The following IFNAR2 variants were observed in gnomAD, a reference collection of about 807,000 sequenced individuals.
IFNAR2 encodes interferon alpha/beta receptor 2.
In IFNAR2, 30 loss-of-function variants were observed where a neutral mutation model predicts 49.4. The observed-to-expected ratio is 0.61, with a 90% confidence interval of 0.45 to 0.82. The LOEUF (loss-of-function observed/expected upper bound fraction) is 0.82. IFNAR2 is among the 40% of genes least tolerant of loss of function. The pLI is 0.00. For missense variants in IFNAR2, 600 were observed against 622.7 expected, an observed-to-expected ratio of 0.96 and a Z score of 0.39; for synonymous variants, 224 against 234.5, an observed-to-expected ratio of 0.96 and a Z score of 0.41.
At chr21:33,259,285 G>A (rs1313180127) in intron 7 of IFNAR2, among the ~76,000 whole-genome samples, 2 of 152,002 alleles carry the variant, frequency 1.3e-5, no homozygotes, top group African/African-American at 2.4e-5. Flanking sequence ...TTCAATCACA[G>A]CTTCTCCTTT....
chr21:33,241,864 G>T lies in IFNAR2; in HGVS notation c.-59G>T, dbSNP rs946047660. The T allele has an allele frequency of 1.2e-6, 2 of 1,600,368 alleles. No homozygotes were observed. Among genetic ancestry groups the T allele is most frequent in the South Asian group, 2.3e-5 (2 of 88,730 alleles). ...GTTTAATTAGACACTTCAGAATTTTGATCACCTAATGTTGATTTCAGATGT... is the reference window on the plus strand; with the variant it reads ...GTTTAATTAGACACTTCAGAATTTTTATCACCTAATGTTGATTTCAGATGT... On this transcript the variant is annotated 5_prime_UTR_variant, in exon 2 of 9. Coordinates refer to ENST00000342136, the MANE Select transcript of IFNAR2 (RefSeq NM_001289125.3).
At chr21:33,252,344 G>A (rs1987913431) in intron 6 of IFNAR2, 1 of 694,888 alleles carries the variant, frequency 1.4e-6, no homozygotes, top group Admixed American at 4.0e-5. Flanking sequence ...CTGTCCATGA[G>A]AGAAGATAAT....
Position 33,246,731 on chromosome 21 carries a change from T to C in IFNAR2, c.235T>C (p.Leu79=), listed in dbSNP as rs1356571490. 1.2e-6 allele frequency: 2 copies of C among 1,609,064 alleles called. No individual in the cohort carries two copies. The highest frequency in any genetic ancestry group is 3.4e-5 in the Admixed American group (2 of 58,640). Residue 79 remains leucine, a synonymous_variant, in exon 5 of 9, where the codon TTG becomes CTG. Transcript: ENST00000342136. ...TTCTTTCCAAAGTAAACCAGAAGAT[T>C]TGAAGGTGGTTAAGAACTGTGCAAA... ...LYTIMSKPED[L]KVVKNCANTT... is the part of the protein sequence containing the mutation.
intron 1 of IFNAR2, among the ~76,000 whole-genome samples, chr21:33,238,640 A>G (rs901415827): frequency 6.6e-6 from 1 of 151,630 alleles, no homozygotes; most frequent in African/African-American, 2.4e-5. Context: ...ATCTGAAAAC[A>G]TAAAACTCAA....
intron 4 of IFNAR2, 64 bp downstream of exon 4, chr21:33,245,138 GATCTT>G: frequency 8.3e-7 from 1 of 1,203,924 alleles, no homozygotes; most frequent in East Asian, 2.4e-5. Flanking sequence ...GGGGAGAGGT[GATCTT>G]TTCTCTCTCT....
At chr21:33,250,135 TA>T (rs1385556707) in intron 6 of IFNAR2, among the ~76,000 whole-genome samples, 3 of 152,166 alleles carry the variant, frequency 2.0e-5, no homozygotes. Context: ...ATATGATTAT[TA>T]TCATTTTTCT....
In IFNAR2 at chr21:33,230,589, C is replaced by T. The variant is rs532945545; in HGVS notation, c.-84+373C>T. 97 of 470,604 alleles carry T rather than the reference C, an allele frequency of 2.1e-4. No individual in the cohort carries two copies. The highest frequency in any genetic ancestry group is 1.4e-3 in the South Asian group (89 of 64,462). The allele number at this position is 470,604 out of a possible 1,614,324, so 29.2% of individuals were successfully genotyped here. A position where few individuals can be genotyped will look rare whatever the true frequency, so the allele number is the denominator to read the frequency against. On this transcript the variant is annotated intron_variant, in intron 1 of 8. Coordinates refer to ENST00000342136, the MANE Select transcript of IFNAR2 (RefSeq NM_001289125.3). The surrounding 1 kb of genome is among the most constrained non-coding windows in gnomAD (Gnocchi z 5.5). The stretch of plus-strand genomic sequence containing the variant: ...CGTTGCTAAGTTTGAGGGTCACATT[C>T]CTCCAGGTCCACCCCGCCTTGCAAA...
intron 8 of IFNAR2, 77 bp from the exon 9 acceptor site, chr21:33,262,716 A>C: frequency 6.3e-7 from 1 of 1,576,760 alleles, no homozygotes; most frequent in Middle Eastern, 1.7e-4. Flanking sequence ...CCAGTGATTA[A>C]GTTTTATTAT....
chr21:33,233,762 TAAATC>T (rs1986231832), intron 1 of IFNAR2, among the ~76,000 whole-genome samples: 1 of 152,044 alleles, frequency 6.6e-6, no homozygotes, highest in Non-Finnish European at 1.5e-5. Context: ...AATTAAGAGA[TAAATC>T]AAAATAAAGA....
chr21:33,237,545 G>A (rs551646301), intron 1 of IFNAR2, among the ~76,000 whole-genome samples: 4 of 152,052 alleles, frequency 2.6e-5, no homozygotes, highest in African/African-American at 9.7e-5. Flanking sequence ...AAAAAATAAA[G>A]AAGTTGCCCT....
At position 33,241,835 on chromosome 21, in the gene IFNAR2, T is replaced by C. The variant is rs1986949691; in HGVS notation, c.-83-5T>C. ...TTGTCTTTGCTCCCATTTTTATATT[T>C]GCAGTTTAATTAGACACTTCAGAAT... On this transcript the variant is annotated splice_region_variant and splice_polypyrimidine_tract_variant and intron_variant, in intron 1 of 8. Transcript: ENST00000342136. 1 of 1,578,340 alleles carries C rather than the reference T, an allele frequency of 6.3e-7. No individual in the cohort carries two copies. The highest frequency in any genetic ancestry group is 1.8e-5 in the Admixed American group (1 of 54,090).
chr21:33,247,041 A>T (rs1987476317), intron 5 of IFNAR2, 151 bp downstream of exon 5: 3 of 625,916 alleles, frequency 4.8e-6, no homozygotes, highest in Non-Finnish European at 8.4e-6. Flanking sequence ...GTAACCGTGG[A>T]CTGCTTTGCT....
At chr21:33,252,981 C>T (rs987282360) in intron 7 of IFNAR2, 151 bp downstream of exon 7, 35 of 714,294 alleles carry the variant, frequency 4.9e-5, no homozygotes, top group Non-Finnish European at 6.1e-5. Context: ...TCTGTTGGTT[C>T]GTGTGTATGA....
chr21:33,232,275 A>G lies in IFNAR2; in HGVS notation c.-84+2059A>G, dbSNP rs73903135. ...CTGAGGGTCCTTCTTCTTCCTTTGG[A>G]AGAATGAAACTGGGGGCTATGCAAT... On this transcript the variant is annotated intron_variant, in intron 1 of 8. Coordinates refer to ENST00000342136, the MANE Select transcript of IFNAR2 (RefSeq NM_001289125.3). 7.2e-3 allele frequency among the ~76,000 whole-genome samples: 1,089 copies of G among 152,280 alleles called. 13 individuals are homozygous for G. Among genetic ancestry groups the G allele is most frequent in the African/African-American group, 0.025 (1,042 of 41,550 alleles).
intron 7 of IFNAR2, 116 bp downstream of exon 7, chr21:33,252,946 C>G (rs1476669354): frequency 1.2e-6 from 1 of 831,832 alleles, no homozygotes; most frequent in Non-Finnish European, 2.1e-6. Context: ...GTCTTTCTTC[C>G]AGTAAACACC....
chr21:33,241,951 T>G lies in IFNAR2; in HGVS notation c.29T>G (p.Phe10Cys), dbSNP rs1340060960. 3 of 1,612,888 alleles carry G rather than the reference T, an allele frequency of 1.9e-6. No individual in the cohort carries two copies. The East Asian group carries it at 6.7e-5, about 36-fold the overall frequency. The change falls in exon 2 of 9, where the codon TTC becomes TGC. Residue 10 changes from phenylalanine to cysteine, a missense_variant. Phe to Cys is a radical substitution (Grantham distance 205). Coordinates refer to ENST00000342136, the MANE Select transcript of IFNAR2 (RefSeq NM_001289125.3). The stretch of plus-strand genomic sequence containing the variant: ...CTTTTGAGCCAGAATGCCTTCATCT[T>G]CAGATCACTTAATTTGGTTCTCATG... MLLSQNAFIFRSLNLVLMVY... is the reference protein window; with the variant it reads MLLSQNAFICRSLNLVLMVY...
intron 8 of IFNAR2, among the ~76,000 whole-genome samples, chr21:33,261,038 T>C (rs1478126387): frequency 2.2e-5 from 3 of 137,674 alleles, no homozygotes. Context: ...TTCTTTCCTT[T>C]TTTTTTTTTT....
chr21:33,263,037 C>T lies in IFNAR2; in HGVS notation c.1085C>T (p.Pro362Leu), dbSNP rs776463241. The stretch of plus-strand genomic sequence containing the variant: ...TCTACAGAATCCCAGTTGATAGACC[C>T]GGAGTCCGAGGAGGAGCCTGACCTG... The part of the protein sequence containing the change: ...ATSTESQLID[P>L]ESEEEPDLPE... The change falls in exon 9 of 9, where the codon CCG becomes CTG. Residue 362 changes from proline to leucine, a missense_variant. Transcript: ENST00000342136. 30 of 1,614,000 alleles carry T rather than the reference C, an allele frequency of 1.9e-5. No individual in the cohort carries two copies. The highest frequency in any genetic ancestry group is 1.6e-4 in the Middle Eastern group (1 of 6,082).
At chr21:33,232,216 TAGTG>T (rs1457587790) in intron 1 of IFNAR2, among the ~76,000 whole-genome samples, 1 of 152,216 alleles carries the variant, frequency 6.6e-6, no homozygotes, top group African/African-American at 2.4e-5. Context: ...TGTGAAATAT[TAGTG>T]AGTTAGAGCA....
Sources: allele counts gnomAD v4.1 joint callset (sites outside exome capture counted in the v4.1 genomes callset), GRCh38; gene constraint gnomAD v4.1.1; non-coding constraint Gnocchi (gnomAD v3.1); transcripts MANE v1.5; gene names NCBI Gene and HGNC (gene_info 2026-07-23, HGNC 2026-07-21).